The following TMPRSS9 variants were observed in gnomAD, a reference collection of about 807,000 sequenced individuals.
TMPRSS9 encodes the protein transmembrane protease serine 9.
Under a neutral mutation model 111.4 loss-of-function variants are expected in TMPRSS9, and 113 were observed. The observed-to-expected ratio is 1.01, with a 90% CI of 0.87 to 1.19. The LOEUF is 1.19. Among genes scored for constraint, TMPRSS9 ranks in the 50% most tolerant of loss-of-function variants. The probability of loss-of-function intolerance (pLI) is 0.00; values close to 1 mark genes in which losing one functional copy is unlikely to be tolerated. For synonymous variants in TMPRSS9, 805 were observed against 659.1 expected, an observed-to-expected ratio of 1.22 and a Z score of -3.39; for missense variants, 1,803 against 1,513.1, an observed-to-expected ratio of 1.19 and a Z score of -3.18.
chr19:2,380,602 A>G (rs2145261018), intron 1 of TMPRSS9, among the ~76,000 whole-genome samples: 1 of 151,390 alleles, frequency 6.6e-6, no homozygotes. Context: ...CTCCACCAAA[A>G]AAAAAAAAAA....
intron 9 of TMPRSS9, among the ~76,000 whole-genome samples, chr19:2,411,798 C>T (rs750030831): frequency 1.3e-5 from 2 of 152,160 alleles, no homozygotes; most frequent in Non-Finnish European, 2.9e-5. Context: ...GTGATCTGCC[C>T]ACCTTGTCCT....
rs1970389439 is a variant in TMPRSS9, at chr19:2,381,855, T to TTC, written c.-25-7906_-25-7905insTC. The stretch of plus-strand genomic sequence containing the variant: ...TCATTCATTCATTCATTCATTCATT[T>TTC]ATTTTGAGACGGAGTCTCGCTCTGT... On this transcript the variant is annotated intron_variant, in intron 1 of 17. Transcript: ENST00000649857. Among the ~76,000 whole-genome samples the TTC allele has an allele frequency of 3.6e-5, 5 of 137,198 alleles. No individual in the cohort carries two copies. In the South Asian group the frequency reaches 1.1e-3, roughly 31 times the overall value. 90.0% of individuals were successfully genotyped at this position (137,198 alleles called of 152,430 possible).
chr19:2,362,127 G>A (rs925028864), intron 1 of TMPRSS9, among the ~76,000 whole-genome samples: 3 of 152,066 alleles, frequency 2.0e-5, no homozygotes, highest in African/African-American at 4.8e-5. Flanking sequence ...ATGAGTGATC[G>A]TTTATGTTGT....
chr19:2,414,876 G>GGAAAAAAAAA (rs373652096), intron 10 of TMPRSS9, among the ~76,000 whole-genome samples: 82 of 146,436 alleles, frequency 5.6e-4, no homozygotes, highest in South Asian at 3.4e-3. Context: ...ACTCCATCTC[G>GGAAAAAAAAA]AAAAAGAAAA....
chr19:2,383,034 C>T (rs543702779), intron 1 of TMPRSS9, among the ~76,000 whole-genome samples: 1 of 152,096 alleles, frequency 6.6e-6, no homozygotes, highest in African/African-American at 2.4e-5. Flanking sequence ...GGAGGGTCAC[C>T]TGCTTTATTT....
intron 5 of TMPRSS9, 88 bp downstream of exon 6, chr19:2,402,104 G>A: frequency 7.0e-7 from 1 of 1,433,406 alleles, no homozygotes; most frequent in Non-Finnish European, 9.6e-7. Flanking sequence ...AGGAATCCCT[G>A]GAACGAGGCT....
chr19:2,367,386 G>C (rs1009367486), intron 1 of TMPRSS9, among the ~76,000 whole-genome samples: 2 of 151,936 alleles, frequency 1.3e-5, no homozygotes, highest in Admixed American at 6.6e-5. Flanking sequence ...CTGTCACATA[G>C]AAAATGCTTA....
rs528358812 is a variant in TMPRSS9 at position 2,390,401 on chromosome 19, C to T, written c.142+474C>T. Among the ~76,000 whole-genome samples the T allele has an allele frequency of 8.3e-4, 125 of 150,132 alleles. 1 individual carries two copies. The highest frequency in any genetic ancestry group is 2.9e-3 in the African/African-American group (121 of 41,230). Reference sequence around the variant, plus strand: ...TGGGACTACAGGCGCCCGCCACCACCCCCGGCTAATTTTTTGTATTTTTAG... The same window carrying T: ...TGGGACTACAGGCGCCCGCCACCACTCCCGGCTAATTTTTTGTATTTTTAG... On this transcript the variant is annotated intron_variant, in intron 1 of 17. Transcript: ENST00000648592.
Position 2,398,998 on chromosome 19 carries a change from C to A in TMPRSS9, c.339-20C>A. On this transcript the variant is annotated intron_variant, in intron 3 of 17. Coordinates refer to ENST00000648592, the Ensembl canonical transcript of TMPRSS9. ...GGCGGAGCCCCTCCCTCTCCAAGGG[C>A]CTCTCCTCCATACCTGTAGGGATGG... 1 of 1,605,250 alleles carries A rather than the reference C, an allele frequency of 6.2e-7. No individual in the cohort carries two copies.
chr19:2,364,406 G>T (rs183527683), intron 1 of TMPRSS9, among the ~76,000 whole-genome samples: 2 of 152,002 alleles, frequency 1.3e-5, no homozygotes, highest in Non-Finnish European at 2.9e-5. Context: ...ACTGCATAAG[G>T]CTTCCTTTGT....
At chr19:2,420,687 G>A (rs1480246728) in intron 13 of TMPRSS9, among the ~76,000 whole-genome samples, 1 of 151,984 alleles carries the variant, frequency 6.6e-6, no homozygotes, top group Admixed American at 6.6e-5. Context: ...AACCTCTCTG[G>A]GACTCTGATC....
chr19:2,399,729 T>A (rs979698608), intron 4 of TMPRSS9, among the ~76,000 whole-genome samples: 8 of 152,296 alleles, frequency 5.3e-5, no homozygotes, highest in Non-Finnish European at 7.4e-5. Flanking sequence ...CCATTTTTTT[T>A]ATTTTTGAGA....
exon 12 of TMPRSS9, chr19:2,416,801 A>G: frequency 1.9e-6 from 3 of 1,608,898 alleles, no homozygotes; most frequent in Non-Finnish European, 1.7e-6. Context: ...AATACGCAGG[A>G]AGGAAATGGT....
At chr19:2,368,554 A>C in intron 1 of TMPRSS9, among the ~76,000 whole-genome samples, 1 of 152,012 alleles carries the variant, frequency 6.6e-6, no homozygotes. Context: ...GTGGGATGTC[A>C]CCTGACGCGG....
chr19:2,425,092 C>A lies in TMPRSS9; in HGVS notation c.2808C>A (p.Tyr936Ter). The change falls in exon 16 of 18, where the codon TAC becomes TAA. Residue 936 changes from tyrosine (Y) to a stop codon, truncating the protein, a stop_gained. Coordinates refer to ENST00000648592, the Ensembl canonical transcript of TMPRSS9. LOFTEE classifies it high-confidence loss of function. Reference sequence around the variant, plus strand: ...AGCTGGAGCGCGTGGCGCGCATCTACAAGCACCCGTTCTACAATCTCTACA... The same window carrying A: ...AGCTGGAGCGCGTGGCGCGCATCTAAAAGCACCCGTTCTACAATCTCTACA... The A allele has an allele frequency of 6.3e-7, 1 of 1,582,394 alleles. No individual in the cohort carries two copies. Among genetic ancestry groups the A allele is most frequent in the Non-Finnish European group, 8.5e-7 (1 of 1,171,348 alleles).
intron 1 of TMPRSS9, among the ~76,000 whole-genome samples, chr19:2,372,148 G>A (rs1970296095): frequency 6.6e-6 from 1 of 152,122 alleles, no homozygotes. Context: ...GAGCCACTGT[G>A]CCTGGCCCCT....
upstream of TMPRSS9, among the ~76,000 whole-genome samples, chr19:2,386,362 G>A (rs1970474741): frequency 3.3e-5 from 5 of 152,154 alleles, no homozygotes; most frequent in South Asian, 1.0e-3. Flanking sequence ...AAAATTAGCT[G>A]GGCGTGGTGG....
Position 2,379,728 on chromosome 19 carries a change from CTT to C in TMPRSS9, c.-25-10031_-25-10030del, listed in dbSNP as rs796955415. Among the ~76,000 whole-genome samples the C allele has an allele frequency of 8.5e-4, 123 of 145,216 alleles. 2 individuals carry two copies. Among genetic ancestry groups the C allele is most frequent in the African/African-American group, 2.9e-3 (114 of 39,076 alleles). On this transcript the variant is annotated intron_variant, in intron 1 of 17. Coordinates refer to the TMPRSS9 transcript ENST00000649857. ...TTCCTCTCTCCCTTCCTCTTTTTCT[CTT>C]TCTCTCTCTCTCTCTCTCTCATTCT...
chr19:2,415,611 G>A (rs890438905), intron 10 of TMPRSS9, 59 bp from the exon 12 acceptor site: 33 of 1,421,074 alleles, frequency 2.3e-5, no homozygotes, highest in South Asian at 1.4e-4. Context: ...CCACCCCACC[G>A]GATGCTCCCA....
Sources: allele counts gnomAD v4.1 joint callset (sites outside exome capture counted in the v4.1 genomes callset), GRCh38; gene constraint gnomAD v4.1.1; transcripts MANE v1.5; gene names NCBI Gene and HGNC (gene_info 2026-07-23, HGNC 2026-07-21).